UBR3: variants seen among roughly 807,000 people sequenced by gnomAD.
UBR3 encodes the protein E3 ubiquitin-protein ligase UBR3.
UBR3 carries 85 observed loss-of-function variants against 243.2 expected under a neutral mutation model. That is an observed-to-expected ratio of 0.35 (90% CI 0.29 to 0.42). The LOEUF (loss-of-function observed/expected upper bound fraction) is 0.42. UBR3 is among the 10% of genes least tolerant of loss of function. The pLI, the probability that UBR3 is intolerant of heterozygous loss-of-function variation, is 1.00. For missense variants in UBR3, 1,686 were observed against 2,300.8 expected (o/e 0.73, Z 5.47); for synonymous variants, 748 against 799.8 (o/e 0.94, Z 1.09).
intron 29 of UBR3, among the ~76,000 whole-genome samples, chr2:170,012,766 C>G (rs1042810209): frequency 1.3e-5 from 2 of 151,052 alleles, no homozygotes; most frequent in African/African-American, 4.9e-5. Context: ...TTTCCAGAAG[C>G]TTTGCCCTTT....
chr2:169,950,829 T>G (rs1020906287), intron 23 of UBR3, among the ~76,000 whole-genome samples: 1 of 151,956 alleles, frequency 6.6e-6, no homozygotes, highest in Non-Finnish European at 1.5e-5. Flanking sequence ...AAGGTGAATC[T>G]TGAGAGATTG....
At chr2:169,876,601 A>T (rs1450210774) in intron 3 of UBR3, among the ~76,000 whole-genome samples, 6 of 148,872 alleles carry the variant, frequency 4.0e-5, no homozygotes, top group Admixed American at 3.3e-4. Flanking sequence ...TCTGTTGCCC[A>T]GGCTGGAGTG....
chr2:169,957,510 A>G lies in UBR3; in HGVS notation c.3546-928A>G, dbSNP rs1182872501. Among the ~76,000 whole-genome samples, 3 of 144,506 alleles carry G rather than the reference A, an allele frequency of 2.1e-5. No individual in the cohort carries two copies. The Admixed American group carries it at 2.2e-4, about 11-fold the overall frequency. The allele number at this position is 144,506 out of a possible 152,430, so 94.8% of individuals were successfully genotyped here. A position where few individuals can be genotyped will look rare whatever the true frequency, so the allele number is the denominator to read the frequency against. ...TCTCACTCATAGGTGGGAATTGAAC[A>G]GTGAGAACACTTGGACACAGGAAGG... On this transcript the variant is annotated intron_variant, in intron 23 of 38. Transcript: ENST00000272793.
intron 33 of UBR3, among the ~76,000 whole-genome samples, chr2:170,060,707 TTGCTGTAATAG>T (rs1163807310): frequency 6.6e-6 from 1 of 152,162 alleles, no homozygotes; most frequent in East Asian, 1.9e-4. Context: ...TTCTAGGTTC[TTGCTGTAATAG>T]TGCTGTACTG....
At chr2:169,877,308 G>A (rs2083655690) in intron 3 of UBR3, among the ~76,000 whole-genome samples, 186 bp from the exon 4 acceptor site, 1 of 152,110 alleles carries the variant, frequency 6.6e-6, no homozygotes, top group African/African-American at 2.4e-5. Context: ...AACATGCTGT[G>A]TATTCTCGGA....
intron 24 of UBR3, among the ~76,000 whole-genome samples, chr2:169,972,732 T>C (rs1034904256): frequency 6.6e-6 from 1 of 151,764 alleles, no homozygotes; most frequent in Non-Finnish European, 1.5e-5. Flanking sequence ...TGCTAAAAAC[T>C]CTCAATAAAT....
intron 18 of UBR3, among the ~76,000 whole-genome samples, chr2:169,930,831 C>G (rs995926466): frequency 2.6e-5 from 4 of 152,104 alleles, no homozygotes; most frequent in South Asian, 2.1e-4. Flanking sequence ...CTGGCTTACT[C>G]CTGTTAAAGT....
chr2:169,973,989 A>G (rs764090359), intron 24 of UBR3, among the ~76,000 whole-genome samples: 13 of 152,192 alleles, frequency 8.5e-5, no homozygotes, highest in Non-Finnish European at 1.9e-4. Context: ...GCTGTGATGT[A>G]TCACGTTTAT....
chr2:169,883,422 G>C (rs1002068030), intron 5 of UBR3, among the ~76,000 whole-genome samples: 2 of 152,216 alleles, frequency 1.3e-5, no homozygotes, highest in African/African-American at 4.8e-5. Context: ...AGTCTTGGAA[G>C]GTATGTGGTG....
At chr2:169,973,910 T>C (rs1477870114) in intron 24 of UBR3, among the ~76,000 whole-genome samples, 1 of 152,248 alleles carries the variant, frequency 6.6e-6, no homozygotes, top group Admixed American at 6.5e-5. Context: ...TGAAGGGATG[T>C]TGAATTTTGT....
rs2083985835 is a variant in UBR3, at chr2:169,883,821, AT to A, written c.1038+5250del. ...GTACATCAAGAGAATAAAAACTTAT[AT>A]TTAGATTATAAGGTTATTTTATTTA... On this transcript the variant is annotated intron_variant, in intron 5 of 38. Coordinates refer to ENST00000272793, the MANE Select transcript of UBR3 (RefSeq NM_172070.4). Among the ~76,000 whole-genome samples the A allele has an allele frequency of 2.0e-5, 3 of 152,218 alleles. No individual in the cohort carries two copies. The South Asian group carries it at 6.2e-4, about 32-fold the overall frequency.
chr2:169,888,109 CTTTATTTA>C (rs139609742), intron 5 of UBR3, among the ~76,000 whole-genome samples: 11,408 of 138,676 alleles, frequency 0.082, 466 homozygotes, highest in Middle Eastern at 0.15. Flanking sequence ...TGTGTTATGA[CTTTATTTA>C]TTTATTTATT....
chr2:170,004,142 G>T (rs964598136), intron 27 of UBR3, among the ~76,000 whole-genome samples: 2 of 152,210 alleles, frequency 1.3e-5, no homozygotes, highest in African/African-American at 4.8e-5. Context: ...TGTGACAGTT[G>T]TGGAGAAAGG....
intron 8 of UBR3, among the ~76,000 whole-genome samples, chr2:169,899,541 G>T (rs150108807): frequency 6.6e-6 from 1 of 151,622 alleles, no homozygotes; most frequent in African/African-American, 2.4e-5. Flanking sequence ...TAAGGTCTGG[G>T]GTACATGTAC....
intron 5 of UBR3, among the ~76,000 whole-genome samples, chr2:169,888,285 C>T (rs2084190587): frequency 1.3e-5 from 2 of 151,636 alleles, no homozygotes; most frequent in Non-Finnish European, 2.9e-5. Context: ...ATTATAGGTG[C>T]CTGCCACTAC....
chr2:169,864,119 C>T (rs1274002887), intron 1 of UBR3, among the ~76,000 whole-genome samples: 1 of 151,974 alleles, frequency 6.6e-6, no homozygotes, highest in East Asian at 1.9e-4. Context: ...GATCTTGGCT[C>T]ACTGCAACCT....
intron 33 of UBR3, among the ~76,000 whole-genome samples, chr2:170,059,558 A>G (rs2091414630): frequency 6.6e-6 from 1 of 152,182 alleles, no homozygotes; most frequent in Non-Finnish European, 1.5e-5. Flanking sequence ...AACATGATAC[A>G]TTGCTGTTTT....
intron 5 of UBR3, among the ~76,000 whole-genome samples, chr2:169,884,330 T>C (rs2084009802): frequency 6.6e-6 from 1 of 152,052 alleles, no homozygotes; most frequent in Non-Finnish European, 1.5e-5. Context: ...TTTTTTGTAT[T>C]TTTAGTAGAG....
At chr2:169,898,145 C>T (rs1279161913) in intron 8 of UBR3, among the ~76,000 whole-genome samples, 1 of 152,168 alleles carries the variant, frequency 6.6e-6, no homozygotes, top group Non-Finnish European at 1.5e-5. Context: ...AACAATACTT[C>T]AGATTAATTA....
Sources: allele counts gnomAD v4.1 joint callset (sites outside exome capture counted in the v4.1 genomes callset), GRCh38; gene constraint gnomAD v4.1.1; transcripts MANE v1.5; gene names NCBI Gene and HGNC (gene_info 2026-07-23, HGNC 2026-07-21).